The following PLPPR5 variants were observed in gnomAD, a reference collection of about 807,000 sequenced individuals.
PLPPR5 encodes the protein phospholipid phosphatase related 5, also known as phospholipid phosphatase-related protein type 5.
In PLPPR5, 16 loss-of-function variants were observed where a neutral mutation model predicts 33.9. The ratio of observed to expected loss-of-function variants is 0.47; its 90% CI spans 0.32 to 0.72. The LOEUF (loss-of-function observed/expected upper bound fraction) is 0.72, where lower values mean the gene tolerates loss of function less well. Among genes scored for constraint, PLPPR5 ranks in the 30% least tolerant of loss-of-function variants. PLPPR5 has a pLI of 0.03. For synonymous variants in PLPPR5, 163 were observed against 150.3 expected, an observed-to-expected ratio of 1.08 and a Z score of -0.62; for missense variants, 301 against 406.7, an observed-to-expected ratio of 0.74 and a Z score of 2.23.
chr1:98,917,443 A>C (rs899702502), intron 4 of PLPPR5, among the ~76,000 whole-genome samples: 3 of 152,160 alleles, frequency 2.0e-5, no homozygotes, highest in African/African-American at 7.2e-5. Flanking sequence ...ATCTTTCCAA[A>C]TGCAAACTGG....
rs976032726 is a variant in PLPPR5, at chr1:98,892,875, A to T, written c.*197T>A. On this transcript the variant is annotated 3_prime_UTR_variant, in exon 6 of 6. Coordinates refer to ENST00000263177, the MANE Select transcript of PLPPR5 (RefSeq NM_001037317.2). ...TTTGTTGTAAGTGCTGGGGACACAG[A>T]AAAAAAAAGACAATCCTGCCCTCGA... 19 of 482,278 alleles carry T rather than the reference A, an allele frequency of 3.9e-5. No individual in the cohort carries two copies. The highest frequency in any genetic ancestry group is 6.8e-5 in the Non-Finnish European group (19 of 279,540). 29.9% of individuals were successfully genotyped at this position (482,278 alleles called of 1,614,324 possible).
chr1:98,898,759 A>G (rs948837702), intron 5 of PLPPR5, among the ~76,000 whole-genome samples: 2 of 152,152 alleles, frequency 1.3e-5, no homozygotes, highest in South Asian at 4.1e-4. Context: ...TTGGGGGACT[A>G]TTAACCTTTC....
chr1:98,935,339 A>G (rs374170744), intron 3 of PLPPR5, among the ~76,000 whole-genome samples: 1 of 152,156 alleles, frequency 6.6e-6, no homozygotes, highest in East Asian at 1.9e-4. Context: ...CTATTAGGAA[A>G]TTTTTATTAG....
intron 1 of PLPPR5, among the ~76,000 whole-genome samples, chr1:98,977,518 AT>A (rs1199458238): frequency 6.7e-6 from 1 of 148,152 alleles, no homozygotes; most frequent in East Asian, 2.0e-4. Context: ...TATTATGACT[AT>A]TTGCTTTTGA....
At chr1:98,977,658 C>T (rs1651909254) in intron 1 of PLPPR5, among the ~76,000 whole-genome samples, 1 of 151,142 alleles carries the variant, frequency 6.6e-6, no homozygotes, top group Non-Finnish European at 1.5e-5. Context: ...TCTGGTTCCT[C>T]ATGCTGACAT....
intron 1 of PLPPR5, among the ~76,000 whole-genome samples, chr1:98,995,354 T>C (rs759841184): frequency 1.3e-5 from 2 of 152,080 alleles, no homozygotes; most frequent in Non-Finnish European, 2.9e-5. Flanking sequence ...AAACTACCTA[T>C]GGGATATTAT....
At chr1:98,997,832 C>G (rs1652682905) in intron 1 of PLPPR5, among the ~76,000 whole-genome samples, 1 of 152,144 alleles carries the variant, frequency 6.6e-6, no homozygotes. Flanking sequence ...ACAGTGTTTT[C>G]TCAACCATTT....
chr1:98,988,261 T>C (rs1652329909), intron 1 of PLPPR5, among the ~76,000 whole-genome samples: 1 of 152,138 alleles, frequency 6.6e-6, no homozygotes, highest in African/African-American at 2.4e-5. Flanking sequence ...AAAGAGCCTA[T>C]GTGGTCAATC....
At chr1:98,941,445 C>T (rs1355269295) in intron 3 of PLPPR5, among the ~76,000 whole-genome samples, 1 of 151,376 alleles carries the variant, frequency 6.6e-6, no homozygotes, top group Non-Finnish European at 1.5e-5. Flanking sequence ...GGGGCAAACC[C>T]CATGTAACCG....
At chr1:98,961,024 C>A (rs1264587121) in intron 1 of PLPPR5, among the ~76,000 whole-genome samples, 1 of 152,144 alleles carries the variant, frequency 6.6e-6, no homozygotes, top group Non-Finnish European at 1.5e-5. Context: ...GTTTCCTATA[C>A]AATCCCACTA....
At chr1:98,967,104 CAAAT>C (rs984833277) in intron 1 of PLPPR5, among the ~76,000 whole-genome samples, 3 of 152,034 alleles carry the variant, frequency 2.0e-5, no homozygotes, top group Non-Finnish European at 2.9e-5. Flanking sequence ...CTGATTCAAA[CAAAT>C]AATTATTATG....
intron 1 of PLPPR5, among the ~76,000 whole-genome samples, chr1:98,980,895 A>G (rs1652040737): frequency 6.6e-6 from 1 of 152,072 alleles, no homozygotes; most frequent in Admixed American, 6.6e-5. Flanking sequence ...ATCTTTTAGC[A>G]TTGTCCATGA....
chr1:98,900,858 T>TC (rs1415063360), intron 5 of PLPPR5, among the ~76,000 whole-genome samples: 1 of 152,126 alleles, frequency 6.6e-6, no homozygotes, highest in Non-Finnish European at 1.5e-5. Flanking sequence ...ATGAGCTACA[T>TC]CAAGATTCAT....
intron 3 of PLPPR5, among the ~76,000 whole-genome samples, chr1:98,928,637 C>A (rs6679317): frequency 7.0e-6 from 1 of 143,522 alleles, no homozygotes; most frequent in Non-Finnish European, 1.5e-5. Flanking sequence ...TTAAAGGGTA[C>A]GCAAAATGAT....
intron 1 of PLPPR5, among the ~76,000 whole-genome samples, chr1:98,975,824 G>C (rs1651827835): frequency 6.6e-6 from 1 of 151,970 alleles, no homozygotes; most frequent in Non-Finnish European, 1.5e-5. Context: ...GTCCTGTTGA[G>C]GGTAGTGGTG....
intron 3 of PLPPR5, among the ~76,000 whole-genome samples, chr1:98,940,985 G>C (rs1424312380): frequency 6.6e-6 from 1 of 151,806 alleles, no homozygotes; most frequent in African/African-American, 2.4e-5. Flanking sequence ...AATTCTGCAA[G>C]TAAGGTGCTG....
intron 5 of PLPPR5, among the ~76,000 whole-genome samples, chr1:98,910,775 C>T (rs1570689569): frequency 6.6e-6 from 1 of 151,996 alleles, no homozygotes; most frequent in Non-Finnish European, 1.5e-5. Flanking sequence ...AAACATGCCA[C>T]TTCACCTAAT....
intron 5 of PLPPR5, among the ~76,000 whole-genome samples, chr1:98,900,749 A>G (rs1428692835): frequency 6.6e-6 from 1 of 152,142 alleles, no homozygotes; most frequent in South Asian, 2.1e-4. Flanking sequence ...ATAATGGACC[A>G]AGTGCATGAT....
chr1:98,941,913 G>T (rs988236666), intron 3 of PLPPR5, among the ~76,000 whole-genome samples: 1 of 151,406 alleles, frequency 6.6e-6, no homozygotes, highest in African/African-American at 2.4e-5. Flanking sequence ...GAAGTACCAA[G>T]AAATCTCCTC....
Sources: gnomAD v4.1 joint callset for allele counts (sites outside exome capture counted in the v4.1 genomes callset) on GRCh38, gnomAD v4.1.1 for gene constraint, MANE v1.5 for transcripts, NCBI Gene and HGNC (gene_info 2026-07-23, HGNC 2026-07-21) for gene names.